Variants in HEATR5B observed in about 807,000 individuals in gnomAD.
HEATR5B encodes the protein HEAT repeat-containing protein 5B.
Under a neutral mutation model 224.1 loss-of-function variants are expected in HEATR5B, and 156 were observed. The observed-to-expected ratio is 0.70, with a 90% CI of 0.61 to 0.80. The LOEUF is 0.80. Among genes scored for constraint, HEATR5B ranks in the 30% least tolerant of loss-of-function variants. The probability of loss-of-function intolerance (pLI) is 0.00; values close to 1 mark genes in which losing one functional copy is unlikely to be tolerated. For missense variants in HEATR5B, 2,323 were observed against 2,535.5 expected (o/e 0.92, Z 1.80); for synonymous variants, 1,027 against 893.0 (o/e 1.15, Z -2.68).
In HEATR5B at chr2:37,028,881, T is replaced by G; in HGVS notation, c.3401A>C (p.Asp1134Ala). ...PFAPGVSSRT[D>A]IHCRHQGVNI... ...AACACCTTGGTGCCGGCAATGGATA[T>G]CAGTTCGAGAACTAACCCCAGGGGC... The change falls in exon 23 of 36, where the codon GAT becomes GCT. Residue 1134 changes from aspartate to alanine, a missense_variant. This residue lies in a region of HEATR5B where 339 missense variants were observed against 378.4 expected (regional missense o/e 0.90). Coordinates refer to ENST00000233099, the MANE Select transcript of HEATR5B (RefSeq NM_019024.3). The G allele has an allele frequency of 1.2e-6, 2 of 1,614,028 alleles. No homozygotes were observed. The highest frequency in any genetic ancestry group is 1.7e-6 in the Non-Finnish European group (2 of 1,179,898).
intron 33 of HEATR5B, among the ~76,000 whole-genome samples, chr2:37,000,149 C>G (rs543084229): frequency 2.6e-4 from 39 of 151,972 alleles, no homozygotes; most frequent in African/African-American, 9.4e-4. Context: ...GTGATCTTGG[C>G]TCACCGCAAC....
rs1398612028 is a variant in HEATR5B, at chr2:37,041,213, T to A, written c.2776A>T (p.Ile926Leu). Residue 926 changes from isoleucine to leucine, a missense_variant, in exon 19 of 36, where the codon ATA becomes TTA. Physicochemically the swap from Ile to Leu is conservative, Grantham distance 5 (BLOSUM62 2). Coordinates refer to ENST00000233099, the MANE Select transcript of HEATR5B (RefSeq NM_019024.3). ...GTCTTCAGATGTTGTCCTGAGCCTA[T>A]TCCACCAACATAACGATGCAAACAA... ...LGCLHRYVGG[I>L]GSGQHLKTSV... 1.2e-6 allele frequency: 2 copies of A among 1,614,032 alleles called. No individual in the cohort carries two copies. Among genetic ancestry groups the A allele is most frequent in the African/African-American group, 2.7e-5 (2 of 74,938 alleles).
intron 33 of HEATR5B, 36 bp downstream of exon 33, chr2:37,000,550 C>T (rs371959213): frequency 6.5e-7 from 1 of 1,541,088 alleles, no homozygotes. Flanking sequence ...GAACACATAT[C>T]CTAACTAACT....
intron 11 of HEATR5B, 118 bp downstream of exon 11, chr2:37,061,821 A>T (rs1013700340): frequency 5.3e-5 from 33 of 620,414 alleles, no homozygotes; most frequent in Middle Eastern, 2.7e-4. Flanking sequence ...TCTTTACACC[A>T]TTTTTACAAC....
At chr2:37,018,780 T>C (rs1047307902) in intron 26 of HEATR5B, among the ~76,000 whole-genome samples, 3 of 152,152 alleles carry the variant, frequency 2.0e-5, no homozygotes, top group African/African-American at 7.2e-5. Context: ...ATAAACTGAT[T>C]ACCTAAAAGA....
chr2:37,053,657 T>C (rs1369457552), intron 16 of HEATR5B, 50 bp from the exon 17 acceptor site: 4 of 1,126,814 alleles, frequency 3.5e-6, no homozygotes, highest in Non-Finnish European at 5.3e-6. Flanking sequence ...TTTATTCCAA[T>C]ATGGCTCAAA....
rs769621312 is a variant in HEATR5B, at chr2:36,981,638, G to A, written c.6068C>T (p.Thr2023Ile). Reference protein sequence around the residue: ...IGPLYPHAFKTVMGAAPELKV... With the variant: ...IGPLYPHAFKIVMGAAPELKV... Reference sequence around the variant, plus strand: ...CAACTCAGGAGCAGCCCCCATTACTGTCTTGAAAGCATGTGGATACAGAGG... The same window carrying A: ...CAACTCAGGAGCAGCCCCCATTACTATCTTGAAAGCATGTGGATACAGAGG... The change falls in exon 36 of 36, where the codon ACA becomes ATA. Residue 2023 changes from threonine to isoleucine, a missense_variant. This residue lies in a region of HEATR5B where 844 missense variants were observed against 812.9 expected (regional missense o/e 1.04). Transcript: ENST00000233099. The A allele has an allele frequency of 6.2e-7, 1 of 1,614,124 alleles. No individual in the cohort carries two copies. The highest frequency in any genetic ancestry group is 8.5e-7 in the Non-Finnish European group (1 of 1,180,034).
intron 26 of HEATR5B, among the ~76,000 whole-genome samples, chr2:37,018,132 C>T (rs1394494015): frequency 6.6e-6 from 1 of 151,444 alleles, no homozygotes; most frequent in Non-Finnish European, 1.5e-5. Flanking sequence ...GGTTTCCTCC[C>T]AGCAACAGAA....
intron 31 of HEATR5B, 139 bp from the exon 32 acceptor site, chr2:37,002,711 T>TAGGGAGGCAGAGAATTATA: frequency 1.2e-6 from 1 of 823,022 alleles, no homozygotes; most frequent in Non-Finnish European, 1.9e-6. Context: ...TGTATAATTC[T>TAGGGAGGCAGAGAATTATA]CTGCCTCCCT....
chr2:37,069,269 T>A (rs1041243145), intron 7 of HEATR5B, among the ~76,000 whole-genome samples: 1 of 152,192 alleles, frequency 6.6e-6, no homozygotes, highest in Non-Finnish European at 1.5e-5. Flanking sequence ...AACACTGACT[T>A]AGAGCTATAA....
rs1431671853 is a variant in HEATR5B at position 36,981,400 on chromosome 2, C to A, written c.*90G>T. 2 of 979,202 alleles carry A rather than the reference C, an allele frequency of 2.0e-6. No homozygotes were observed. Among genetic ancestry groups the A allele is most frequent in the Admixed American group, 2.9e-5 (1 of 34,792 alleles). The allele number at this position is 979,202 out of a possible 1,614,324, so 60.7% of individuals were successfully genotyped here. A position where few individuals can be genotyped will look rare whatever the true frequency, so the allele number is the denominator to read the frequency against. On this transcript the variant is annotated 3_prime_UTR_variant, in exon 36 of 36. Coordinates refer to ENST00000233099, the MANE Select transcript of HEATR5B (RefSeq NM_019024.3). ...CTATAATACCAATATACAAATAAAACAGAACCCATAGGTAGCCTGGAATGA... is the reference window on the plus strand; with the variant it reads ...CTATAATACCAATATACAAATAAAAAAGAACCCATAGGTAGCCTGGAATGA...
intron 35 of HEATR5B, among the ~76,000 whole-genome samples, chr2:36,987,751 T>C (rs1572733303): frequency 6.6e-6 from 1 of 152,102 alleles, no homozygotes; most frequent in East Asian, 1.9e-4. Flanking sequence ...ATACCTCTAT[T>C]ATGAAGATTA....
chr2:37,041,130 T>C lies in HEATR5B; in HGVS notation c.2856+3A>G, dbSNP rs957864954. 1.2e-6 allele frequency: 2 copies of C among 1,611,408 alleles called. No homozygotes were observed. Among genetic ancestry groups the C allele is most frequent in the Non-Finnish European group, 1.7e-6 (2 of 1,178,556 alleles). ...TGTAATAAAAAAACCAATTATATTA[T>C]ACCTGGACTTCAGGGGATGTCCCAT... On this transcript the variant is annotated splice_donor_region_variant and intron_variant, in intron 19 of 35. Transcript: ENST00000233099.
intron 3 of HEATR5B, among the ~76,000 whole-genome samples, chr2:37,078,845 A>C (rs1386671957): frequency 6.6e-6 from 1 of 152,174 alleles, no homozygotes; most frequent in African/African-American, 2.4e-5. Flanking sequence ...CTACTCACCA[A>C]AACTACATTC....
At chr2:37,079,445 T>G in intron 2 of HEATR5B, 114 bp from the exon 3 acceptor site, 1 of 575,422 alleles carries the variant, frequency 1.7e-6, no homozygotes, top group Non-Finnish European at 3.0e-6. Flanking sequence ...AAATCTATAT[T>G]GTATTAAACA....
intron 35 of HEATR5B, among the ~76,000 whole-genome samples, chr2:36,986,950 A>G (rs751879940): frequency 1.6e-4 from 24 of 151,818 alleles, no homozygotes; most frequent in Non-Finnish European, 2.5e-4. Context: ...ATGGGGTTCC[A>G]CCACGTTTGC....
chr2:36,990,108 G>T (rs1377454990), intron 34 of HEATR5B, among the ~76,000 whole-genome samples: 1 of 151,540 alleles, frequency 6.6e-6, no homozygotes, highest in Non-Finnish European at 1.5e-5. Context: ...TTCACTACAG[G>T]CTGGTCTCGA....
At chr2:37,006,999 AT>A (rs779118596) in intron 29 of HEATR5B, 50 bp downstream of exon 29, 2 of 1,558,454 alleles carry the variant, frequency 1.3e-6, no homozygotes, top group Non-Finnish European at 1.8e-6. Flanking sequence ...AATGAAAGAT[AT>A]GAATTTTCAG....
intron 33 of HEATR5B, among the ~76,000 whole-genome samples, chr2:36,994,809 T>C (rs1196905301): frequency 3.9e-5 from 6 of 152,210 alleles, no homozygotes; most frequent in African/African-American, 1.4e-4. Context: ...TGGAGTGCAG[T>C]GGCGCGATCT....
Sources: allele counts gnomAD v4.1 joint callset (sites outside exome capture counted in the v4.1 genomes callset), GRCh38; gene constraint gnomAD v4.1.1; regional missense constraint gnomAD v4.1.1; transcripts MANE v1.5; gene names NCBI Gene and HGNC (gene_info 2026-07-23, HGNC 2026-07-21).